Variants in ATP11A observed in about 807,000 individuals in gnomAD.
The protein encoded by ATP11A is phospholipid-transporting ATPase IH.
ATP11A carries 81 observed loss-of-function variants against 154.4 expected under a neutral mutation model. The observed-to-expected ratio is 0.52, with a 90% CI of 0.44 to 0.63. The LOEUF (loss-of-function observed/expected upper bound fraction) is 0.63. Ranked by LOEUF, ATP11A falls within the 30% of genes least tolerant of loss-of-function variation. The pLI, the probability that ATP11A is intolerant of heterozygous loss-of-function variation, is 0.00. For synonymous variants in ATP11A, 623 were observed against 585.9 expected, an observed-to-expected ratio of 1.06 and a Z score of -0.91; for missense variants, 1,316 against 1,474.3, an observed-to-expected ratio of 0.89 and a Z score of 1.76.
Position 112,690,535 on chromosome 13 carries a change from G to T in ATP11A, c.39+80G>T, listed in dbSNP as rs1885030853. 8.2e-7 allele frequency: 1 copy of T among 1,226,528 alleles called. No homozygotes were observed. Among genetic ancestry groups the T allele is most frequent in the Non-Finnish European group, 1.0e-6 (1 of 975,476 alleles). 76.0% of individuals were successfully genotyped at this position (1,226,528 alleles called of 1,614,324 possible). A position where few individuals can be genotyped will look rare whatever the true frequency, so the allele number is the denominator to read the frequency against. On this transcript the variant is annotated intron_variant, in intron 1 of 29. Transcript: ENST00000375645. This position sits in a 1 kb window ranked among gnomAD's most constrained non-coding sequence, Gnocchi z 5.6. ...GCCCCGCAGCCCGGACCCTGTGGCC[G>T]GTCCAGCCCCGGGGTCCCGGGAGGT...
At chr13:112,708,643 C>G (rs1887417648) in intron 1 of ATP11A, among the ~76,000 whole-genome samples, 1 of 152,242 alleles carries the variant, frequency 6.6e-6, no homozygotes, top group African/African-American at 2.4e-5. Flanking sequence ...GTCACCCTTG[C>G]AAACCTCAGA....
intron 1 of ATP11A, among the ~76,000 whole-genome samples, chr13:112,692,174 C>T (rs1369129855): frequency 6.6e-6 from 1 of 152,220 alleles, no homozygotes; most frequent in East Asian, 1.9e-4. Context: ...GGTCCCTAGA[C>T]ACCTTATTTT....
rs1326432570 is a variant in ATP11A at position 112,785,962 on chromosome 13, G to A, written c.162+705G>A. On this transcript the variant is annotated intron_variant, in intron 2 of 29. Coordinates refer to ENST00000375645, the MANE Select transcript of ATP11A (RefSeq NM_015205.3). The surrounding 1 kb of genome is among the most constrained non-coding windows in gnomAD (Gnocchi z 4.8). ...CGTTCAGACTCCATTTATCTTCACCGTCCTTCAAAATGGATGAGCTAAACC... is the reference window on the plus strand; with the variant it reads ...CGTTCAGACTCCATTTATCTTCACCATCCTTCAAAATGGATGAGCTAAACC... 6.7e-6 allele frequency among the ~76,000 whole-genome samples: 1 copy of A among 148,646 alleles called. No individual in the cohort carries two copies. The highest frequency in any genetic ancestry group is 1.5e-5 in the Non-Finnish European group (1 of 67,096).
chr13:112,768,387 T>C (rs2077148228), intron 1 of ATP11A, among the ~76,000 whole-genome samples: 1 of 152,236 alleles, frequency 6.6e-6, no homozygotes, highest in Admixed American at 6.5e-5. Flanking sequence ...TGGTGGAGTC[T>C]CAGCTTTGGG....
chr13:112,705,850 A>G (rs1387566699), intron 1 of ATP11A, among the ~76,000 whole-genome samples: 1 of 152,240 alleles, frequency 6.6e-6, no homozygotes, highest in Non-Finnish European at 1.5e-5. Context: ...TTGAACGAAT[A>G]TACAATACAT....
chr13:112,858,401 G>T (rs2140351140), intron 22 of ATP11A, 111 bp downstream of exon 22: 4 of 1,149,466 alleles, frequency 3.5e-6, no homozygotes, highest in Non-Finnish European at 4.8e-6. Flanking sequence ...TCTCCGAGGA[G>T]CAGCAACTGT....
intron 1 of ATP11A, among the ~76,000 whole-genome samples, chr13:112,691,908 T>C (rs1189386495): frequency 6.6e-6 from 1 of 152,038 alleles, no homozygotes; most frequent in African/African-American, 2.4e-5. Flanking sequence ...CTTACTTAAG[T>C]GGAGAGAACT....
intron 2 of ATP11A, among the ~76,000 whole-genome samples, chr13:112,804,018 CTGCCAT>C (rs2078235462): frequency 8.2e-5 from 1 of 12,136 alleles, no homozygotes; most frequent in Non-Finnish European, 1.3e-4. Context: ...ACCTCCCTCC[CTGCCAT>C]CCCCTCTCTG....
intron 4 of ATP11A, among the ~76,000 whole-genome samples, chr13:112,806,567 CACTTA>C (rs1403044012): frequency 6.6e-6 from 1 of 152,168 alleles, no homozygotes; most frequent in Non-Finnish European, 1.5e-5. Flanking sequence ...TCAGATGAGT[CACTTA>C]ACCTTTCTGT....
intron 8 of ATP11A, 116 bp downstream of exon 8, chr13:112,820,066 G>A: frequency 1.9e-6 from 2 of 1,041,000 alleles, no homozygotes; most frequent in Non-Finnish European, 2.7e-6. Context: ...GGAAGGTGGA[G>A]TTCCGCTTTC....
chr13:112,865,155 GGCCCGCGCAGCTT>G (rs2140384712), intron 25 of ATP11A, among the ~76,000 whole-genome samples: 1 of 64,682 alleles, frequency 1.5e-5, no homozygotes, highest in African/African-American at 6.0e-5. Flanking sequence ...ATTCAGTGCA[GGCCCGCGCAGCTT>G]CCCAGCGGGG....
intron 1 of ATP11A, among the ~76,000 whole-genome samples, chr13:112,766,098 A>G (rs1033804627): frequency 2.6e-5 from 4 of 152,020 alleles, no homozygotes; most frequent in African/African-American, 9.7e-5. Context: ...AGGAAGGAAT[A>G]GTGGTGGAGA....
rs949592014 is a variant in ATP11A at position 112,836,056 on chromosome 13, G to A, written c.1632-122G>A. ...CACCCCTCACCCAGCAGCCCTCTGT[G>A]TGTCCCCTGAGGAAGGGCCAGGGCT... On this transcript the variant is annotated intron_variant, in intron 15 of 29. Transcript: ENST00000375645. 2.9e-5 allele frequency: 18 copies of A among 624,148 alleles called. No homozygotes were observed. In the African/African-American group the frequency reaches 3.3e-4, roughly 11 times the overall value. 38.7% of individuals were successfully genotyped at this position (624,148 alleles called of 1,614,324 possible).
Position 112,794,020 on chromosome 13 carries a change from G to A in ATP11A, c.162+8763G>A, listed in dbSNP as rs1444431042. On this transcript the variant is annotated intron_variant, in intron 2 of 29. Coordinates refer to ENST00000375645, the MANE Select transcript of ATP11A (RefSeq NM_015205.3). ...GGCAGCTGTGGACTCTGGCTATGGC[G>A]TCTGTCGTACAAGTGAGAAACGAAA... Among the ~76,000 whole-genome samples, 10 of 152,332 alleles carry A rather than the reference G, an allele frequency of 6.6e-5. No homozygotes were observed. In the East Asian group the frequency reaches 9.6e-4, roughly 15 times the overall value.
chr13:112,770,758 C>T (rs780878563), intron 1 of ATP11A, among the ~76,000 whole-genome samples: 4 of 152,360 alleles, frequency 2.6e-5, no homozygotes, highest in Non-Finnish European at 5.9e-5. Context: ...CTCCACGCGC[C>T]GCTTCCCTGG....
Position 112,834,601 on chromosome 13 carries a change from C to T in ATP11A, c.1572C>T (p.Thr524=). 2 of 1,613,686 alleles carry T rather than the reference C, an allele frequency of 1.2e-6. No individual in the cohort carries two copies. The highest frequency in any genetic ancestry group is 1.7e-6 in the Non-Finnish European group (2 of 1,179,616). ...CTTCTCATTGCAGACTTGGCTTTAC[C>T]TACCTAAGGCTGAAGGACAATTACA... ...LVEGVQRLGF[T]YLRLKDNYME... Residue 524 remains threonine (T), a synonymous_variant, in exon 15 of 30, where the codon ACC becomes ACT. Coordinates refer to ENST00000375645, the MANE Select transcript of ATP11A (RefSeq NM_015205.3).
rs148964345 is a variant in ATP11A at position 112,835,643 on chromosome 13, G to A, written c.1632-535G>A. Among the ~76,000 whole-genome samples, 84 of 152,344 alleles carry A rather than the reference G, an allele frequency of 5.5e-4. 1 individual carries two copies. The highest frequency in any genetic ancestry group is 2.0e-3 in the African/African-American group (82 of 41,586). On this transcript the variant is annotated intron_variant, in intron 15 of 29. Coordinates refer to ENST00000375645, the MANE Select transcript of ATP11A (RefSeq NM_015205.3). ...CAGAGCCCCTCCGCAGCTTCCCACT[G>A]AGTCCAAGGCCCTGAGGAGGCTGAG...
chr13:112,878,529 A>G (rs978803478), intron 29 of ATP11A: 3 of 594,750 alleles, frequency 5.0e-6, no homozygotes, highest in East Asian at 5.6e-5. Flanking sequence ...TTTCTCCCTC[A>G]GCGTCCGTGC....
intron 1 of ATP11A, among the ~76,000 whole-genome samples, chr13:112,783,875 C>T (rs556162178): frequency 1.3e-5 from 2 of 152,316 alleles, no homozygotes; most frequent in East Asian, 3.9e-4. Context: ...TTAACTCCTC[C>T]AAATACAGTG....
Sources: gnomAD v4.1 joint callset for allele counts (sites outside exome capture counted in the v4.1 genomes callset) on GRCh38, gnomAD v4.1.1 for gene constraint, Gnocchi (gnomAD v3.1) non-coding constraint, MANE v1.5 for transcripts, NCBI Gene and HGNC (gene_info 2026-07-23, HGNC 2026-07-21) for gene names.